Variants in MX2 observed in about 807,000 individuals in gnomAD.
The protein encoded by MX2 is MX dynamin like GTPase 2, also known as interferon-induced GTP-binding protein Mx2.
In MX2, 51 loss-of-function variants were observed where a neutral mutation model predicts 74.0. The observed-to-expected ratio is 0.69, with a 90% CI of 0.55 to 0.87. The LOEUF (loss-of-function observed/expected upper bound fraction) is 0.87. Ranked by LOEUF, MX2 falls within the 40% of genes least tolerant of loss-of-function variation. The pLI is 0.00. For synonymous variants in MX2, 369 were observed against 339.3 expected (o/e 1.09, Z -0.96); for missense variants, 832 against 908.7 (o/e 0.92, Z 1.09).
At chr21:41,396,662 A>C (rs953886122) in intron 7 of MX2, among the ~76,000 whole-genome samples, 3 of 152,224 alleles carry the variant, frequency 2.0e-5, no homozygotes, top group African/African-American at 7.2e-5. Context: ...GCCAACAGCC[A>C]GCACTCAGTA....
chr21:41,367,628 C>T (rs1376597004), intron 1 of MX2, among the ~76,000 whole-genome samples: 1 of 152,142 alleles, frequency 6.6e-6, no homozygotes, highest in Non-Finnish European at 1.5e-5. Context: ...ATTTTCTTAC[C>T]GATTTTCAAT....
chr21:41,380,902 A>G lies in MX2; in HGVS notation c.577+751A>G, dbSNP rs1237986881. 1.3e-5 allele frequency among the ~76,000 whole-genome samples: 2 copies of G among 152,102 alleles called. No homozygotes were observed. The highest frequency in any genetic ancestry group is 2.9e-5 in the Non-Finnish European group (2 of 68,014). ...ATCCTGCCTGCACAGCCTGTCCTGGACTCAGCCAGGATAGATGGAAAAACA... is the reference window on the plus strand; with the variant it reads ...ATCCTGCCTGCACAGCCTGTCCTGGGCTCAGCCAGGATAGATGGAAAAACA... On this transcript the variant is annotated intron_variant, in intron 4 of 13. Coordinates refer to ENST00000330714, the MANE Select transcript of MX2 (RefSeq NM_002463.2). The surrounding 1 kb of genome is among the most constrained non-coding windows in gnomAD (Gnocchi z 4.3).
intron 12 of MX2, among the ~76,000 whole-genome samples, chr21:41,406,014 G>A (rs934771546): frequency 9.4e-5 from 14 of 148,866 alleles, no homozygotes; most frequent in African/African-American, 2.2e-4. Context: ...TTTTTGAGAC[G>A]GAGTTTCGCT....
intron 4 of MX2, among the ~76,000 whole-genome samples, chr21:41,381,923 G>C (rs1435950827): frequency 5.3e-5 from 8 of 152,026 alleles, no homozygotes; most frequent in Non-Finnish European, 1.0e-4. Flanking sequence ...CTTCCCCTAG[G>C]GCTAGTCATC....
intron 1 of MX2, among the ~76,000 whole-genome samples, chr21:41,373,314 G>A (rs1322830339): frequency 6.6e-6 from 1 of 151,978 alleles, no homozygotes; most frequent in Non-Finnish European, 1.5e-5. Flanking sequence ...GGTGTGGCAA[G>A]GGGGGTGTCT....
chr21:41,381,350 A>G (rs1303540691), intron 4 of MX2, among the ~76,000 whole-genome samples: 1 of 152,204 alleles, frequency 6.6e-6, no homozygotes, highest in African/African-American at 2.4e-5. Flanking sequence ...GCAGACCAAC[A>G]GCACACCATA....
chr21:41,390,811 C>T, intron 6 of MX2, 108 bp downstream of exon 6: 2 of 1,247,464 alleles, frequency 1.6e-6, no homozygotes, highest in South Asian at 2.7e-5. Context: ...TGAGAACATC[C>T]TGGCTAATCC....
chr21:41,389,163 A>G (rs574415058), intron 5 of MX2, among the ~76,000 whole-genome samples: 2 of 152,078 alleles, frequency 1.3e-5, no homozygotes, highest in East Asian at 3.9e-4. Context: ...TATAGCATCT[A>G]TTATTCAATG....
At chr21:41,378,616 A>G (rs1364505943) in intron 3 of MX2, among the ~76,000 whole-genome samples, 2 of 152,242 alleles carry the variant, frequency 1.3e-5, no homozygotes, top group Non-Finnish European at 2.9e-5. Context: ...AAAACTTTTA[A>G]AAGTCTGTTT....
At chr21:41,394,642 A>G (rs1217945753) in intron 6 of MX2, among the ~76,000 whole-genome samples, 1 of 152,180 alleles carries the variant, frequency 6.6e-6, no homozygotes, top group Non-Finnish European at 1.5e-5. Flanking sequence ...AAAACGAAGG[A>G]CAAAATAGCG....
At chr21:41,397,068 C>T (rs1390177827) in intron 7 of MX2, among the ~76,000 whole-genome samples, 1 of 152,164 alleles carries the variant, frequency 6.6e-6, no homozygotes, top group Admixed American at 6.5e-5. Flanking sequence ...GAGGCACTGG[C>T]AGTGCTGGGG....
chr21:41,406,560 C>T (rs928581903), intron 12 of MX2, among the ~76,000 whole-genome samples, 184 bp from the exon 13 acceptor site: 2 of 152,128 alleles, frequency 1.3e-5, no homozygotes, highest in African/African-American at 4.8e-5. Flanking sequence ...GTGAGGAAAC[C>T]GGGTTCATAA....
chr21:41,401,731 G>A (rs1048312347), intron 10 of MX2: 1 of 418,216 alleles, frequency 2.4e-6, no homozygotes, highest in Non-Finnish European at 4.2e-6. Context: ...TTCTCTCTTG[G>A]GGTGATGACT....
chr21:41,383,936 C>G (rs574523922), intron 5 of MX2, among the ~76,000 whole-genome samples: 48 of 152,208 alleles, frequency 3.2e-4, no homozygotes, highest in African/African-American at 1.1e-3. Flanking sequence ...GGTTCTGTGT[C>G]CCCACCCAAA....
At position 41,387,403 on chromosome 21, in the gene MX2, C is replaced by T. The variant is rs114303304; in HGVS notation, c.733-3162C>T. 3.2e-3 allele frequency among the ~76,000 whole-genome samples: 488 copies of T among 152,308 alleles called. 3 individuals are homozygous for T. The highest frequency in any genetic ancestry group is 0.011 in the African/African-American group (445 of 41,560). The stretch of plus-strand genomic sequence containing the variant: ...TTTCTGTATTCACGGCCTCATTGTA[C>T]GACTCCACTTTCCCGGCAACAAGTG... On this transcript the variant is annotated intron_variant, in intron 5 of 13. Transcript: ENST00000330714.
At position 41,368,612 on chromosome 21, in the gene MX2, G is replaced by A. The variant is rs538927185; in HGVS notation, c.-72+6557G>A. Among the ~76,000 whole-genome samples the A allele has an allele frequency of 3.9e-5, 6 of 152,298 alleles. No homozygotes were observed. The highest frequency in any genetic ancestry group is 2.4e-5 in the African/African-American group (1 of 41,552). On this transcript the variant is annotated intron_variant, in intron 1 of 13. Coordinates refer to ENST00000330714, the MANE Select transcript of MX2 (RefSeq NM_002463.2). The surrounding 1 kb of genome is among the most constrained non-coding windows in gnomAD (Gnocchi z 4.6). ...CTCAAACTTAATCAGCTCATGATAC[G>A]CTTAGCAAGACCTGCCCTTCATGAA...
chr21:41,374,525 C>T (rs891108265), intron 1 of MX2, among the ~76,000 whole-genome samples: 4 of 152,224 alleles, frequency 2.6e-5, no homozygotes, highest in African/African-American at 4.8e-5. Context: ...CTCCATCCTA[C>T]GTGGACCTTC....
Position 41,406,791 on chromosome 21 carries a change from C to T in MX2, c.1698C>T (p.Asn566=), listed in dbSNP as rs1232562911. 1 of 1,614,216 alleles carries T rather than the reference C, an allele frequency of 6.2e-7. No individual in the cohort carries two copies. The highest frequency in any genetic ancestry group is 2.2e-5 in the East Asian group (1 of 44,884). ...TGAAACACACAGCAAAGGCAGAAAA[C>T]ATGATCCAACTTCAGTTCAGAATGG... ...IKVKHTAKAE[N]MIQLQFRMEQ... The change falls in exon 13 of 14, where the codon AAC becomes AAT. Residue 566 remains asparagine, a synonymous_variant. Transcript: ENST00000330714.
rs2089408134 is a variant in MX2 at position 41,376,755 on chromosome 21, T to A, written c.-71-81T>A. 3 of 1,043,946 alleles carry A rather than the reference T, an allele frequency of 2.9e-6. No individual in the cohort carries two copies. The East Asian group carries it at 7.2e-5, about 25-fold the overall frequency. 64.7% of individuals were successfully genotyped at this position (1,043,946 alleles called of 1,614,324 possible). On this transcript the variant is annotated intron_variant, in intron 1 of 13. Coordinates refer to ENST00000330714, the MANE Select transcript of MX2 (RefSeq NM_002463.2). ...GTAGGGGGTAGGTTGTAGGGTGGGG[T>A]GAGGAGGGGTTGGCAAAAGTGCCAA... is the stretch of plus-strand genomic sequence containing the variant.
Sources: allele counts gnomAD v4.1 joint callset (sites outside exome capture counted in the v4.1 genomes callset), GRCh38; gene constraint gnomAD v4.1.1; non-coding constraint Gnocchi (gnomAD v3.1); transcripts MANE v1.5; gene names NCBI Gene and HGNC (gene_info 2026-07-23, HGNC 2026-07-21).